NPAS3: variants seen among roughly 807,000 people sequenced by gnomAD.
NPAS3 encodes the protein neuronal PAS domain protein 3.
In NPAS3, 14 loss-of-function variants were observed where a neutral mutation model predicts 73.1. That is an observed-to-expected ratio of 0.19 (90% CI 0.13 to 0.30). The LOEUF is 0.30. NPAS3 is among the 10% of genes least tolerant of loss of function. The pLI, the probability that NPAS3 is intolerant of heterozygous loss-of-function variation, is 1.00. For missense variants in NPAS3, 1,096 were observed against 1,250.0 expected, an observed-to-expected ratio of 0.88 and a Z score of 1.86; for synonymous variants, 620 against 541.5, an observed-to-expected ratio of 1.14 and a Z score of -2.01.
chr14:33,029,887 G>A (rs1216251077), intron 1 of NPAS3, among the ~76,000 whole-genome samples: 1 of 152,338 alleles, frequency 6.6e-6, no homozygotes, highest in East Asian at 1.9e-4. Flanking sequence ...AATGGATTAT[G>A]CCAATTTATA....
intron 2 of NPAS3, among the ~76,000 whole-genome samples, chr14:33,206,143 A>G (rs1192074050): frequency 6.6e-6 from 1 of 152,198 alleles, no homozygotes; most frequent in Non-Finnish European, 1.5e-5. Context: ...AAATTTTATC[A>G]GTGACTTAAT....
chr14:33,170,700 C>T (rs567908751), intron 2 of NPAS3, among the ~76,000 whole-genome samples: 1 of 152,322 alleles, frequency 6.6e-6, no homozygotes, highest in African/African-American at 2.4e-5. Context: ...AGTTTCTTTG[C>T]TCATCCATAA....
rs147020669 is a variant in NPAS3, at chr14:33,752,208, C to T, written c.852+16876C>T. 6.1e-3 allele frequency among the ~76,000 whole-genome samples: 930 copies of T among 152,282 alleles called. 4 individuals carry two copies. Among genetic ancestry groups the T allele is most frequent in the Middle Eastern group, 0.024 (7 of 294 alleles). ...AACTTTGGTGCTTTGTATTGCAGAT[C>T]ATAAGCTGAGTTGCTTTCAGCTGCT... On this transcript the variant is annotated intron_variant, in intron 7 of 11. Transcript: ENST00000356141.
At chr14:33,645,194 A>G (rs1488234623) in intron 5 of NPAS3, among the ~76,000 whole-genome samples, 2 of 152,168 alleles carry the variant, frequency 1.3e-5, no homozygotes, top group Non-Finnish European at 2.9e-5. Flanking sequence ...GAAAGGGTGG[A>G]TTTCTAAGGG....
chr14:33,440,617 G>T (rs1438041554), intron 4 of NPAS3, among the ~76,000 whole-genome samples: 1 of 152,180 alleles, frequency 6.6e-6, no homozygotes, highest in African/African-American at 2.4e-5. Context: ...TCTTGGCCAG[G>T]CGTGGTGGCT....
At chr14:33,022,130 A>C (rs1447776464) in intron 1 of NPAS3, among the ~76,000 whole-genome samples, 1 of 152,204 alleles carries the variant, frequency 6.6e-6, no homozygotes. Context: ...ATGTCAGAGG[A>C]ATCGTGATTG....
intron 3 of NPAS3, among the ~76,000 whole-genome samples, chr14:33,331,959 T>C (rs888999415): frequency 6.6e-6 from 1 of 152,234 alleles, no homozygotes; most frequent in African/African-American, 2.4e-5. Flanking sequence ...CTCATCGTAA[T>C]GATACCTTTA....
At chr14:33,698,292 C>T (rs2060440659) in intron 6 of NPAS3, among the ~76,000 whole-genome samples, 1 of 152,190 alleles carries the variant, frequency 6.6e-6, no homozygotes, top group African/African-American at 2.4e-5. Flanking sequence ...TGTTTTTATT[C>T]TGCTTTTAGG....
intron 4 of NPAS3, among the ~76,000 whole-genome samples, chr14:33,383,649 T>A (rs533653399): frequency 4.0e-4 from 61 of 152,354 alleles, no homozygotes; most frequent in African/African-American, 1.4e-3. Flanking sequence ...GATGATTAAC[T>A]GTGCCCAAGT....
chr14:33,109,520 C>T (rs866262056), intron 2 of NPAS3, among the ~76,000 whole-genome samples: 1 of 152,066 alleles, frequency 6.6e-6, no homozygotes, highest in African/African-American at 2.4e-5. Flanking sequence ...CTGGGAAATA[C>T]TGACTCAAGT....
chr14:33,423,757 G>A lies in NPAS3; in HGVS notation c.468+56489G>A, dbSNP rs139191567. On this transcript the variant is annotated intron_variant, in intron 4 of 11. Coordinates refer to ENST00000356141, the Ensembl canonical transcript of NPAS3. Reference sequence around the variant, plus strand: ...ATAAATAACTGTAGGTGTTGTAAGTGTTCAGAGAAGGGTACTATGGAAGTT... The same window carrying A: ...ATAAATAACTGTAGGTGTTGTAAGTATTCAGAGAAGGGTACTATGGAAGTT... Among the ~76,000 whole-genome samples, 38 of 151,980 alleles carry A rather than the reference G, an allele frequency of 2.5e-4. 1 individual carries two copies. Among genetic ancestry groups the A allele is most frequent in the East Asian group, 1.9e-3 (10 of 5,140 alleles).
At chr14:33,050,338 C>G (rs1311285172) in intron 1 of NPAS3, among the ~76,000 whole-genome samples, 1 of 152,160 alleles carries the variant, frequency 6.6e-6, no homozygotes, top group Non-Finnish European at 1.5e-5. Context: ...TCTGTGGACT[C>G]ATAACAAATA....
intron 6 of NPAS3, among the ~76,000 whole-genome samples, chr14:33,694,974 C>G (rs1873646845): frequency 6.6e-6 from 1 of 152,046 alleles, no homozygotes; most frequent in Non-Finnish European, 1.5e-5. Flanking sequence ...AAAGGCCTTG[C>G]AAAGAAAAAT....
intron 5 of NPAS3, among the ~76,000 whole-genome samples, chr14:33,594,434 T>C (rs1240572780): frequency 2.0e-5 from 3 of 152,242 alleles, no homozygotes; most frequent in African/African-American, 7.2e-5. Flanking sequence ...AAACAAATCT[T>C]TTCAAAAGAA....
At chr14:33,721,967 A>G (rs2061126286) in intron 6 of NPAS3, among the ~76,000 whole-genome samples, 1 of 152,200 alleles carries the variant, frequency 6.6e-6, no homozygotes, top group Admixed American at 6.5e-5. Context: ...GAATAATTGA[A>G]GACCCCAGAA....
intron 4 of NPAS3, among the ~76,000 whole-genome samples, chr14:33,442,882 C>T (rs951607360): frequency 1.3e-5 from 2 of 152,188 alleles, no homozygotes; most frequent in Non-Finnish European, 2.9e-5. Flanking sequence ...TCTGCTGCCT[C>T]TAAGTTTAAT....
intron 6 of NPAS3, among the ~76,000 whole-genome samples, chr14:33,730,715 T>C (rs2140616468): frequency 6.6e-6 from 1 of 152,322 alleles, no homozygotes; most frequent in Non-Finnish European, 1.5e-5. Context: ...ACTTGTCAAA[T>C]CCCAGTGGAT....
intron 4 of NPAS3, among the ~76,000 whole-genome samples, chr14:33,442,747 T>G (rs1314842728): frequency 6.6e-6 from 1 of 152,274 alleles, no homozygotes; most frequent in Non-Finnish European, 1.5e-5. Context: ...ATCTTTATTT[T>G]ATAAATTATG....
intron 2 of NPAS3, among the ~76,000 whole-genome samples, chr14:33,180,847 T>G (rs1025670079): frequency 7.4e-5 from 10 of 134,976 alleles, no homozygotes; most frequent in African/African-American, 1.4e-4. Context: ...GGTGGTGAAA[T>G]GTTTTATGGA....
Sources: allele counts gnomAD v4.1 joint callset (sites outside exome capture counted in the v4.1 genomes callset), GRCh38; gene constraint gnomAD v4.1.1; transcripts MANE v1.5; gene names NCBI Gene and HGNC (gene_info 2026-07-23, HGNC 2026-07-21).